The following ACTR2 variants were observed in gnomAD, a reference collection of about 807,000 sequenced individuals.
The protein encoded by ACTR2 is actin related protein 2.
A neutral mutation model predicts 50.2 loss-of-function variants in ACTR2; 5 were observed. That is an observed-to-expected ratio of 0.10 (90% CI 0.05 to 0.21). ACTR2 has a LOEUF of 0.21. Ranked by LOEUF, ACTR2 falls within the 10% of genes least tolerant of loss-of-function variation. The pLI is 1.00. For synonymous variants in ACTR2, 140 were observed against 162.9 expected, an observed-to-expected ratio of 0.86 and a Z score of 1.07; for missense variants, 180 against 480.6, an observed-to-expected ratio of 0.37 and a Z score of 5.85.
At chr2:65,246,858 A>G (rs1007657237) in intron 3 of ACTR2, 119 bp downstream of exon 3, 1 of 758,856 alleles carries the variant, frequency 1.3e-6, no homozygotes, top group Non-Finnish European at 2.1e-6. Context: ...TTCAGATCTT[A>G]TTAAGTATCT....
At chr2:65,243,977 T>A (rs1331928424) in intron 2 of ACTR2, among the ~76,000 whole-genome samples, 1 of 152,138 alleles carries the variant, frequency 6.6e-6, no homozygotes, top group Admixed American at 6.5e-5. Context: ...ATTTTCGATA[T>A]GAAAATTTTT....
At chr2:65,241,720 C>T (rs1671843501) in intron 2 of ACTR2, among the ~76,000 whole-genome samples, 1 of 152,082 alleles carries the variant, frequency 6.6e-6, no homozygotes, top group Non-Finnish European at 1.5e-5. Context: ...TTCTTAAGTT[C>T]AGTAATGAAT....
At chr2:65,261,925 C>G (rs1045233402) in intron 7 of ACTR2, among the ~76,000 whole-genome samples, 1 of 152,198 alleles carries the variant, frequency 6.6e-6, no homozygotes, top group African/African-American at 2.4e-5. Flanking sequence ...TTGATAATAG[C>G]CATTCCAACA....
chr2:65,247,939 G>A (rs1459568855), intron 3 of ACTR2, among the ~76,000 whole-genome samples: 1 of 152,178 alleles, frequency 6.6e-6, no homozygotes, highest in African/African-American at 2.4e-5. Flanking sequence ...GTTAGCCAGG[G>A]TATATAGGAG....
intron 6 of ACTR2, among the ~76,000 whole-genome samples, chr2:65,256,874 TAAAAAAAAAAA>T (rs57631144): frequency 7.4e-6 from 1 of 134,276 alleles, no homozygotes; most frequent in African/African-American, 2.8e-5. Flanking sequence ...TCCATGTCGG[TAAAAAAAAAAA>T]AAAAAAAAAA....
At chr2:65,229,312 TTTGGAA>T (rs918085112) in intron 1 of ACTR2, among the ~76,000 whole-genome samples, 1 of 152,168 alleles carries the variant, frequency 6.6e-6, no homozygotes. Context: ...AACAAAACAC[TTTGGAA>T]TCTGAATTGT....
At position 65,255,662 on chromosome 2, in the gene ACTR2, T is replaced by C. The variant is rs1247153141; in HGVS notation, c.703T>C (p.Leu235=). The C allele has an allele frequency of 6.2e-7, 1 of 1,613,784 alleles. No individual in the cohort carries two copies. The highest frequency in any genetic ancestry group is 8.5e-7 in the Non-Finnish European group (1 of 1,179,818). ...YNIEQEQKLA[L]ETTVLVESYT... Reference sequence around the variant, plus strand: ...TATTGAGCAAGAGCAGAAACTGGCCTTAGAAACCACAGTATTAGTTGAATC... The same window carrying C: ...TATTGAGCAAGAGCAGAAACTGGCCCTAGAAACCACAGTATTAGTTGAATC... The change falls in exon 6 of 9, where the codon TTA becomes CTA. Residue 235 remains leucine, a synonymous_variant. Transcript: ENST00000260641.
chr2:65,268,144 C>A (rs1468021530), intron 8 of ACTR2, among the ~76,000 whole-genome samples: 1 of 152,088 alleles, frequency 6.6e-6, no homozygotes, highest in Non-Finnish European at 1.5e-5. Flanking sequence ...CATGCAAGTC[C>A]TCTTATCCAG....
At chr2:65,245,213 C>G (rs1395669160) in intron 2 of ACTR2, among the ~76,000 whole-genome samples, 1 of 151,314 alleles carries the variant, frequency 6.6e-6, no homozygotes, top group Non-Finnish European at 1.5e-5. Flanking sequence ...TATTTTTAAG[C>G]CTTTGTTTTA....
At chr2:65,248,358 C>T (rs1338463550) in intron 3 of ACTR2, among the ~76,000 whole-genome samples, 1 of 152,008 alleles carries the variant, frequency 6.6e-6, no homozygotes, top group African/African-American at 2.4e-5. Context: ...CGAGATTACA[C>T]CACTGCATTC....
chr2:65,267,090 T>G (rs1204869705), intron 8 of ACTR2, among the ~76,000 whole-genome samples: 2 of 152,190 alleles, frequency 1.3e-5, no homozygotes, highest in African/African-American at 2.4e-5. Flanking sequence ...TTGAGGTATT[T>G]ACAGAAGCAG....
chr2:65,250,693 A>AT (rs58314743), intron 3 of ACTR2, among the ~76,000 whole-genome samples: 3 of 151,340 alleles, frequency 2.0e-5, no homozygotes, highest in Admixed American at 6.6e-5. Flanking sequence ...AAAAAAAAAA[A>AT]GAATTTCCCT....
At chr2:65,259,640 A>C (rs1672225840) in intron 6 of ACTR2, among the ~76,000 whole-genome samples, 2 of 152,148 alleles carry the variant, frequency 1.3e-5, no homozygotes, top group South Asian at 4.1e-4. Context: ...GAGGTATGAG[A>C]ATCATTTGAA....
chr2:65,242,168 C>T lies in ACTR2; in HGVS notation c.159+2206C>T, dbSNP rs1671849962. ...AGTATTGGGGAGGGGGGGTTATTTC[C>T]ATATTTTTATTTTAAGTACTTTGAT... On this transcript the variant is annotated intron_variant, in intron 2 of 8. Transcript: ENST00000260641. The T allele has an allele frequency of 5.1e-6, 4 of 786,612 alleles. No homozygotes were observed. The South Asian group carries it at 7.1e-5, about 14-fold the overall frequency. 48.7% of individuals were successfully genotyped at this position (786,612 alleles called of 1,614,324 possible).
chr2:65,228,985 C>T (rs1285260804), intron 1 of ACTR2, among the ~76,000 whole-genome samples: 1 of 151,976 alleles, frequency 6.6e-6, no homozygotes, highest in Non-Finnish European at 1.5e-5. Context: ...GAGGCTGAGG[C>T]AGGAGAATCC....
At chr2:65,267,862 C>CTTTT (rs70943640) in intron 8 of ACTR2, among the ~76,000 whole-genome samples, 766 of 47,390 alleles carry the variant, frequency 0.016, 141 homozygotes, top group Middle Eastern at 0.088. Context: ...TGCAAGTCCT[C>CTTTT]TTTTTTTTTT....
intron 5 of ACTR2, among the ~76,000 whole-genome samples, chr2:65,255,112 C>G (rs554819079): frequency 6.6e-6 from 1 of 152,202 alleles, no homozygotes; most frequent in East Asian, 1.9e-4. Context: ...TAATATGTGC[C>G]AGACACAGTA....
At chr2:65,235,785 T>C (rs1314815945) in intron 1 of ACTR2, among the ~76,000 whole-genome samples, 1 of 151,990 alleles carries the variant, frequency 6.6e-6, no homozygotes, top group African/African-American at 2.4e-5. Context: ...TCCAAAAGAA[T>C]TGTATTATAC....
chr2:65,261,237 T>C lies in ACTR2; in HGVS notation c.736-10T>C, dbSNP rs1198207533. On this transcript the variant is annotated splice_polypyrimidine_tract_variant and intron_variant, in intron 6 of 8. Transcript: ENST00000260641. ...TTGCTGATTAGTACCTGATTATTCT[T>C]GGTTTCTAGCTCCCAGATGGACGTA... 6.2e-7 allele frequency: 1 copy of C among 1,613,910 alleles called. No homozygotes were observed. Among genetic ancestry groups the C allele is most frequent in the Non-Finnish European group, 8.5e-7 (1 of 1,179,938 alleles).
Sources: gnomAD v4.1 joint callset for allele counts (sites outside exome capture counted in the v4.1 genomes callset) on GRCh38, gnomAD v4.1.1 for gene constraint, MANE v1.5 for transcripts, NCBI Gene and HGNC (gene_info 2026-07-23, HGNC 2026-07-21) for gene names.